ANKRD18B: variants seen among roughly 807,000 people sequenced by gnomAD.
ANKRD18B encodes the protein ankyrin repeat domain 18B.
ANKRD18B carries 75 observed loss-of-function variants against 111.8 expected under a neutral mutation model. The observed-to-expected ratio is 0.67, with a 90% CI of 0.56 to 0.81. The LOEUF (loss-of-function observed/expected upper bound fraction) is 0.81. Among genes scored for constraint, ANKRD18B ranks in the 40% least tolerant of loss-of-function variants. The probability of loss-of-function intolerance (pLI) is 0.00; values close to 1 mark genes in which losing one functional copy is unlikely to be tolerated. For synonymous variants in ANKRD18B, 356 were observed against 417.3 expected (o/e 0.85, Z 1.79); for missense variants, 1,038 against 1,225.5 (o/e 0.85, Z 2.28).
At chr9:33,539,326 G>A (rs1828246711) in intron 6 of ANKRD18B, 123 bp from the exon 7 acceptor site, 1 of 159,626 alleles carries the variant, frequency 6.3e-6, no homozygotes, top group Non-Finnish European at 1.5e-5. Flanking sequence ...GATGAATGCA[G>A]TCTTCTAAAA....
At chr9:33,553,198 CA>C (rs770597736) in intron 12 of ANKRD18B, among the ~76,000 whole-genome samples, 2,548 of 99,596 alleles carry the variant, frequency 0.026, 63 homozygotes, top group African/African-American at 0.084. Flanking sequence ...CCTGACTCTA[CA>C]AAAAAAAAAA....
chr9:33,559,570 C>T (rs1828576308), intron 14 of ANKRD18B, among the ~76,000 whole-genome samples: 1 of 151,890 alleles, frequency 6.6e-6, no homozygotes, highest in Non-Finnish European at 1.5e-5. Flanking sequence ...AGGTCTTGCT[C>T]CTCAATATAA....
At chr9:33,569,250 G>T in intron 17 of ANKRD18B, 1 of 155,518 alleles carries the variant, frequency 6.4e-6, no homozygotes, top group Non-Finnish European at 1.4e-5. Flanking sequence ...GTTTGTCTGT[G>T]GTTCATATCA....
chr9:33,546,440 G>A lies in ANKRD18B; in HGVS notation c.1150-1498G>A, dbSNP rs905201270. 4.5e-4 allele frequency among the ~76,000 whole-genome samples: 68 copies of A among 152,168 alleles called. 1 individual carries two copies. Among genetic ancestry groups the A allele is most frequent in the Middle Eastern group, 6.8e-3 (2 of 294 alleles). ...GATGTTGTTTAATAAAATATGGTAG[G>A]TTTTGACATGTATGATTTTATCATA... On this transcript the variant is annotated intron_variant, in intron 10 of 18. Coordinates refer to ENST00000684830, the MANE Select transcript of ANKRD18B (RefSeq NM_001393611.1).
Position 33,553,258 on chromosome 9 carries a change from C to T in ANKRD18B, c.2218-2450C>T, listed in dbSNP as rs184469240. On this transcript the variant is annotated intron_variant, in intron 12 of 18. Coordinates refer to ENST00000684830, the MANE Select transcript of ANKRD18B (RefSeq NM_001393611.1). ...TGGTGCATGCCTGTAATCCCAGCTA[C>T]GTTGGAGGCTGTGGTAGGAGGGTCG... Among the ~76,000 whole-genome samples the T allele has an allele frequency of 3.5e-3, 528 of 151,806 alleles. 4 individuals carry two copies. The highest frequency in any genetic ancestry group is 4.9e-3 in the Non-Finnish European group (331 of 67,956).
chr9:33,566,884 T>A (rs1050166840), intron 15 of ANKRD18B: 1 of 516,872 alleles, frequency 1.9e-6, no homozygotes, highest in African/African-American at 2.0e-5. Flanking sequence ...CAGATTACAT[T>A]AATACTAACA....
chr9:33,533,516 A>G lies in ANKRD18B; in HGVS notation c.573A>G (p.Ala191=). The change falls in exon 4 of 19, where the codon GCA becomes GCG. Residue 191 remains alanine (A), a synonymous_variant. Coordinates refer to ENST00000684830, the MANE Select transcript of ANKRD18B (RefSeq NM_001393611.1). ...TGGAATTTTTATTGAAGAACCAGGC[A>G]AATATACATGCCGTTGACAATTTCA... ...HMVEFLLKNQ[A]NIHAVDNFKR... The G allele has an allele frequency of 3.9e-6, 6 of 1,530,014 alleles. No individual in the cohort carries two copies. The highest frequency in any genetic ancestry group is 5.3e-6 in the Non-Finnish European group (6 of 1,141,144). 94.8% of individuals were successfully genotyped at this position (1,530,014 alleles called of 1,614,324 possible). A position where few individuals can be genotyped will look rare whatever the true frequency, so the allele number is the denominator to read the frequency against.
At position 33,524,677 on chromosome 9, in the gene ANKRD18B, T is replaced by C. The variant is rs113493303; in HGVS notation, c.188T>C (p.Val63Ala). 1 of 1,550,244 alleles carries C rather than the reference T, an allele frequency of 6.5e-7. No individual in the cohort carries two copies. The highest frequency in any genetic ancestry group is 8.7e-7 in the Non-Finnish European group (1 of 1,146,556). Residue 63 changes from valine (V) to alanine (A), a missense_variant, in exon 1 of 19, where the codon GTC becomes GCC. Physicochemically the swap from Val to Ala is moderately conservative, Grantham distance 64. Coordinates refer to ENST00000684830, the MANE Select transcript of ANKRD18B (RefSeq NM_001393611.1). ...CLTRRFRDLD[V>A]RDRKDRTVLH... ...ACGCGCAGGTTCCGGGACTTGGACG[T>C]CCGCGACAGAAAAGACAGGTAGCGG...
chr9:33,531,972 T>C (rs535659872), intron 3 of ANKRD18B, among the ~76,000 whole-genome samples: 4 of 152,162 alleles, frequency 2.6e-5, no homozygotes, highest in Non-Finnish European at 4.4e-5. Flanking sequence ...CGATGGCTCA[T>C]GCTTGTAATC....
chr9:33,539,079 A>G (rs1828241518), intron 6 of ANKRD18B, among the ~76,000 whole-genome samples: 1 of 152,212 alleles, frequency 6.6e-6, no homozygotes, highest in African/African-American at 2.4e-5. Flanking sequence ...ATTCATTCAA[A>G]TACTTGTCCA....
At position 33,564,368 on chromosome 9, in the gene ANKRD18B, TAAG is replaced by T. The variant is rs576084866; in HGVS notation, c.2461-1846_2461-1844del. Among the ~76,000 whole-genome samples the T allele has an allele frequency of 7.2e-5, 11 of 152,362 alleles. No homozygotes were observed. In the South Asian group the frequency reaches 2.3e-3, roughly 32 times the overall value. On this transcript the variant is annotated intron_variant, in intron 14 of 18. Transcript: ENST00000684830. ...CCAGACTGATCCACGTGGCTACAAG[TAAG>T]AAGATTTCATTTTTTTATATGGTGA...
intron 17 of ANKRD18B, among the ~76,000 whole-genome samples, 196 bp from the exon 18 acceptor site, chr9:33,571,050 C>T (rs1351806059): frequency 6.6e-6 from 1 of 152,160 alleles, no homozygotes; most frequent in African/African-American, 2.4e-5. Flanking sequence ...CAGATACATC[C>T]TCTATTATCT....
At chr9:33,565,643 G>A (rs966509015) in intron 14 of ANKRD18B, among the ~76,000 whole-genome samples, 1 of 150,658 alleles carries the variant, frequency 6.6e-6, no homozygotes, top group African/African-American at 2.4e-5. Context: ...TTTTAAATTT[G>A]TTTTTTTTTG....
chr9:33,566,754 T>A (rs13286109), intron 15 of ANKRD18B, among the ~76,000 whole-genome samples: 1 of 152,178 alleles, frequency 6.6e-6, no homozygotes, highest in Non-Finnish European at 1.5e-5. Context: ...TTAAGACCAG[T>A]TGGCATAAGA....
chr9:33,573,214 G>A (rs12378940), downstream of ANKRD18B: 343,103 of 985,092 alleles, frequency 0.35, 62,786 homozygotes, highest in Non-Finnish European at 0.37. Context: ...GAGCCACCGA[G>A]GAAGCACAGG....
chr9:33,549,733 A>T (rs1828419329), intron 11 of ANKRD18B, among the ~76,000 whole-genome samples: 1 of 151,352 alleles, frequency 6.6e-6, no homozygotes, highest in Admixed American at 6.6e-5. Context: ...TATTTTAAAG[A>T]CTTCTACTTG....
chr9:33,528,979 T>C, intron 2 of ANKRD18B, 21 bp from the exon 3 acceptor site: 1 of 1,611,108 alleles, frequency 6.2e-7, no homozygotes, highest in Admixed American at 1.7e-5. Context: ...TATAGTCTAG[T>C]TTTTTATCTA....
At chr9:33,554,034 T>C (rs965920328) in intron 12 of ANKRD18B, among the ~76,000 whole-genome samples, 1 of 149,786 alleles carries the variant, frequency 6.7e-6, no homozygotes. Flanking sequence ...ATGGCACCAC[T>C]GCACTCTAGC....
Position 33,565,622 on chromosome 9 carries a change from C to T in ANKRD18B, c.2461-597C>T, listed in dbSNP as rs560698146. On this transcript the variant is annotated intron_variant, in intron 14 of 18. Transcript: ENST00000684830. ...GGGTCTACAGGCCTGAGCCACCATG[C>T]CTGGCTAATTTTTTAAATTTGTTTT... Among the ~76,000 whole-genome samples, 7 of 151,828 alleles carry T rather than the reference C, an allele frequency of 4.6e-5. No homozygotes were observed. In the South Asian group the frequency reaches 1.5e-3, roughly 32 times the overall value.
Sources: allele counts gnomAD v4.1 joint callset (sites outside exome capture counted in the v4.1 genomes callset), GRCh38; gene constraint gnomAD v4.1.1; transcripts MANE v1.5; gene names NCBI Gene and HGNC (gene_info 2026-07-23, HGNC 2026-07-21).